Variants in SORCS2 observed in about 807,000 individuals in gnomAD.
SORCS2 encodes the protein VPS10 domain-containing receptor SorCS2.
SORCS2 carries 100 observed loss-of-function variants against 141.6 expected under a neutral mutation model. The ratio of observed to expected loss-of-function variants is 0.71; its 90% CI spans 0.60 to 0.83. The LOEUF (loss-of-function observed/expected upper bound fraction) is 0.83. SORCS2 is among the 40% of genes least tolerant of loss of function. The pLI is 0.00. For synonymous variants in SORCS2, 789 were observed against 676.9 expected, an observed-to-expected ratio of 1.17 and a Z score of -2.57; for missense variants, 1,646 against 1,560.2, an observed-to-expected ratio of 1.05 and a Z score of -0.93.
chr4:7,311,055 A>G (rs988675943), intron 1 of SORCS2, among the ~76,000 whole-genome samples: 2 of 152,098 alleles, frequency 1.3e-5, no homozygotes, highest in African/African-American at 2.4e-5. Flanking sequence ...TACCCCTAAA[A>G]GTCTCCTCTT....
chr4:7,426,643 G>A (rs545114862), intron 2 of SORCS2, among the ~76,000 whole-genome samples: 7 of 152,206 alleles, frequency 4.6e-5, no homozygotes, highest in Admixed American at 2.0e-4. Context: ...TGTGTGTGCC[G>A]GGCCCTGGGG....
intron 1 of SORCS2, among the ~76,000 whole-genome samples, chr4:7,297,545 T>A (rs1042376208): frequency 1.3e-5 from 2 of 152,154 alleles, no homozygotes; most frequent in Non-Finnish European, 2.9e-5. Flanking sequence ...TGAGTCTCCC[T>A]GGGTGAACGT....
At chr4:7,272,205 G>A (rs1412273194) in intron 1 of SORCS2, among the ~76,000 whole-genome samples, 6 of 152,126 alleles carry the variant, frequency 3.9e-5, no homozygotes, top group South Asian at 4.1e-4. Flanking sequence ...AAAAGGCTGC[G>A]GCAAGTTTCT....
At chr4:7,392,910 G>T (rs895238717) in intron 1 of SORCS2, among the ~76,000 whole-genome samples, 2 of 140,772 alleles carry the variant, frequency 1.4e-5, no homozygotes, top group African/African-American at 2.7e-5. Flanking sequence ...GGGGGGGGGG[G>T]GTGCTGCGAG....
intron 2 of SORCS2, among the ~76,000 whole-genome samples, chr4:7,469,716 C>G (rs891859221): frequency 6.6e-6 from 1 of 152,220 alleles, no homozygotes; most frequent in Non-Finnish European, 1.5e-5. Context: ...TGGAGTGGAG[C>G]TCCTGTGTCT....
At chr4:7,455,003 CCACGTTAGGGTCAGGCAG>C in intron 2 of SORCS2, among the ~76,000 whole-genome samples, 1 of 133,534 alleles carries the variant, frequency 7.5e-6, no homozygotes, top group East Asian at 2.5e-4. Flanking sequence ...GTGTCATGCG[CCACGTTAGGGTCAGGCAG>C]TGTGTTGGGG....
chr4:7,643,721 A>G (rs537867870), intron 4 of SORCS2, among the ~76,000 whole-genome samples: 69 of 152,360 alleles, frequency 4.5e-4, no homozygotes, highest in Non-Finnish European at 8.2e-4. Context: ...CAGTGTTTGC[A>G]TTGATCCATA....
chr4:7,624,242 C>T (rs529218050), intron 3 of SORCS2, among the ~76,000 whole-genome samples: 18 of 152,234 alleles, frequency 1.2e-4, no homozygotes, highest in African/African-American at 4.1e-4. Context: ...AGTGTAGCTT[C>T]CCCACCCAAC....
intron 1 of SORCS2, among the ~76,000 whole-genome samples, chr4:7,264,960 C>A (rs969293633): frequency 6.6e-6 from 1 of 152,248 alleles, no homozygotes; most frequent in African/African-American, 2.4e-5. Context: ...CCCGCCTGGC[C>A]GCTCCTCCAG....
intron 20 of SORCS2, among the ~76,000 whole-genome samples, chr4:7,726,228 A>G (rs1163563657): frequency 2.6e-5 from 4 of 152,336 alleles, no homozygotes; most frequent in Middle Eastern, 3.4e-3. Context: ...CAGGGAGTGA[A>G]GGCCCAGCCC....
At chr4:7,421,471 A>G (rs1726052278) in intron 2 of SORCS2, among the ~76,000 whole-genome samples, 1 of 152,172 alleles carries the variant, frequency 6.6e-6, no homozygotes, top group South Asian at 2.1e-4. Context: ...TGCGGGGTCC[A>G]GTGGTAATGG....
At chr4:7,273,616 GA>G (rs1238714930) in intron 1 of SORCS2, among the ~76,000 whole-genome samples, 1 of 152,212 alleles carries the variant, frequency 6.6e-6, no homozygotes, top group Non-Finnish European at 1.5e-5. Context: ...CCCCTACTGA[GA>G]GACTGAAGCT....
intron 1 of SORCS2, among the ~76,000 whole-genome samples, chr4:7,269,333 G>A (rs188145503): frequency 2.0e-5 from 3 of 152,230 alleles, no homozygotes; most frequent in East Asian, 1.9e-4. Flanking sequence ...CAGGGCCCCC[G>A]GTTGCACCAT....
At chr4:7,726,974 GGGTCGCGTAAGCCATGGATGTCCT>G in intron 21 of SORCS2, 71 bp downstream of exon 21, 1 of 1,535,896 alleles carries the variant, frequency 6.5e-7, no homozygotes, top group Non-Finnish European at 8.8e-7. Context: ...CAGGCCACAT[GGGTCGCGTAAGCCATGGATGTCCT>G]GGTCACCCTG....
In SORCS2 at chr4:7,519,413, T is replaced by G. The variant is rs565815776; in HGVS notation, c.549-12117T>G. On this transcript the variant is annotated intron_variant, in intron 2 of 26. Coordinates refer to ENST00000507866, the MANE Select transcript of SORCS2 (RefSeq NM_020777.3). ...TGCATAGTTTGGAACTCAAGTCAAATAGAGTCTCGTTTCATCCTTTCTGAC... is the reference window on the plus strand; with the variant it reads ...TGCATAGTTTGGAACTCAAGTCAAAGAGAGTCTCGTTTCATCCTTTCTGAC... Among the ~76,000 whole-genome samples, 18 of 152,254 alleles carry G rather than the reference T, an allele frequency of 1.2e-4. No individual in the cohort carries two copies. In the Middle Eastern group the frequency reaches 0.01, roughly 86 times the overall value.
At chr4:7,559,963 G>T (rs1181591958) in intron 3 of SORCS2, among the ~76,000 whole-genome samples, 3 of 152,236 alleles carry the variant, frequency 2.0e-5, no homozygotes, top group Non-Finnish European at 4.4e-5. Context: ...GGGGAGCAGG[G>T]AGGGGACCTA....
intron 1 of SORCS2, among the ~76,000 whole-genome samples, chr4:7,365,436 G>C (rs1466399740): frequency 6.6e-6 from 1 of 152,136 alleles, no homozygotes. Flanking sequence ...GCTGAGATGG[G>C]GAGCTGGGAC....
chr4:7,504,471 G>A (rs4504253), intron 2 of SORCS2, among the ~76,000 whole-genome samples: 15,003 of 152,142 alleles, frequency 0.099, 935 homozygotes, highest in African/African-American at 0.17. Context: ...TTCTTAGTAA[G>A]AATCCTTAAA....
intron 4 of SORCS2, among the ~76,000 whole-genome samples, chr4:7,645,581 A>T (rs1174619969): frequency 1.3e-5 from 2 of 152,160 alleles, no homozygotes; most frequent in East Asian, 3.8e-4. Context: ...AGCTGCTGCC[A>T]GGCTCTCTCA....
Sources: allele counts gnomAD v4.1 joint callset (sites outside exome capture counted in the v4.1 genomes callset), GRCh38; gene constraint gnomAD v4.1.1; transcripts MANE v1.5; gene names NCBI Gene and HGNC (gene_info 2026-07-23, HGNC 2026-07-21).